The following MALRD1 variants were observed in gnomAD, a reference collection of about 807,000 sequenced individuals.
MALRD1 encodes MAM and LDL-receptor class A domain-containing protein 1.
Under a neutral mutation model 242.1 loss-of-function variants are expected in MALRD1, and 247 were observed. The observed-to-expected ratio is 1.02, with a 90% CI of 0.92 to 1.13. The LOEUF (loss-of-function observed/expected upper bound fraction) is 1.13. MALRD1 is among the 50% of genes most tolerant of loss of function. The probability of loss-of-function intolerance (pLI) is 0.00; values close to 1 mark genes in which losing one functional copy is unlikely to be tolerated. For synonymous variants in MALRD1, 995 were observed against 866.6 expected (o/e 1.15, Z -2.60); for missense variants, 2,989 against 2,533.1 (o/e 1.18, Z -3.86).
At position 19,175,463 on chromosome 10, in the gene MALRD1, AATATATAT is replaced by A. The variant is rs376874358; in HGVS notation, c.1951+148_1951+155del. ...TATATCACCTGTTCTTGAAACCTAA[AATATATAT>A]ATATATATATATTTTAAAAGGTAAA... is the stretch of plus-strand genomic sequence containing the variant. On this transcript the variant is annotated intron_variant, in intron 14 of 39. Coordinates refer to ENST00000454679, the MANE Select transcript of MALRD1 (RefSeq NM_001142308.3). 22 of 202,790 alleles carry A rather than the reference AATATATAT, an allele frequency of 1.1e-4. 1 individual carries two copies. The highest frequency in any genetic ancestry group is 2.5e-4 in the African/African-American group (10 of 39,828). The allele number at this position is 202,790 out of a possible 1,614,324, so 12.6% of individuals were successfully genotyped here.
intron 29 of MALRD1, among the ~76,000 whole-genome samples, chr10:19,460,674 G>A (rs1835894510): frequency 6.6e-6 from 1 of 152,092 alleles, no homozygotes; most frequent in South Asian, 2.1e-4. Flanking sequence ...TTGAGTAAAT[G>A]TATGACTCTA....
chr10:19,590,348 TATATA>T (rs1256790236), intron 33 of MALRD1, among the ~76,000 whole-genome samples: 8 of 147,994 alleles, frequency 5.4e-5, no homozygotes, highest in South Asian at 2.1e-4. Context: ...GTACATATTT[TATATA>T]ATATATGTAT....
intron 28 of MALRD1, among the ~76,000 whole-genome samples, chr10:19,442,126 T>C (rs1202161231): frequency 2.0e-5 from 3 of 152,172 alleles, no homozygotes; most frequent in African/African-American, 7.2e-5. Context: ...ATGATTTGGC[T>C]CTCTGTTAGT....
intron 5 of MALRD1, among the ~76,000 whole-genome samples, chr10:19,110,479 C>T (rs1009635298): frequency 2.6e-5 from 4 of 152,108 alleles, no homozygotes; most frequent in Admixed American, 1.3e-4. Context: ...TTATAACACC[C>T]CTGCCTCAAA....
chr10:19,300,131 T>C (rs1169097613), intron 21 of MALRD1, among the ~76,000 whole-genome samples: 1 of 151,688 alleles, frequency 6.6e-6, no homozygotes, highest in African/African-American at 2.4e-5. Context: ...AGCCACAAAA[T>C]GAACAAGATA....
chr10:19,654,781 G>A (rs1054566830), intron 36 of MALRD1, among the ~76,000 whole-genome samples: 2 of 152,216 alleles, frequency 1.3e-5, no homozygotes, highest in African/African-American at 4.8e-5. Context: ...AGGGAAATCA[G>A]GAAGTGGCTA....
At chr10:19,495,493 G>T (rs1564390339) in intron 30 of MALRD1, among the ~76,000 whole-genome samples, 1 of 150,196 alleles carries the variant, frequency 6.7e-6, no homozygotes, top group African/African-American at 2.4e-5. Context: ...TTCACATACA[G>T]GCAAACTAAA....
Position 19,467,686 on chromosome 10 carries a change from CTTTTTTGGCTT to C in MALRD1, c.5029+17204_5029+17214del, listed in dbSNP as rs1836289190. On this transcript the variant is annotated intron_variant, in intron 29 of 39. Coordinates refer to ENST00000454679, the MANE Select transcript of MALRD1 (RefSeq NM_001142308.3). ...CCTACCAAAATAATGTACCATAAGG[CTTTTTTGGCTT>C]TTTTTTGTCTAACAACGTTTTTTCC... 1.5e-4 allele frequency among the ~76,000 whole-genome samples: 8 copies of C among 53,762 alleles called. No homozygotes were observed. The South Asian group carries it at 0.011, about 71-fold the overall frequency. 35.3% of individuals were successfully genotyped at this position (53,762 alleles called of 152,430 possible). A position where few individuals can be genotyped will look rare whatever the true frequency, so the allele number is the denominator to read the frequency against.
At chr10:19,641,183 T>G (rs532347889) in intron 36 of MALRD1, among the ~76,000 whole-genome samples, 3 of 152,148 alleles carry the variant, frequency 2.0e-5, no homozygotes, top group African/African-American at 7.2e-5. Flanking sequence ...AGGATGAATG[T>G]GACAAACAGC....
At chr10:19,719,239 T>TACATACAAAC (rs1392517480) in intron 38 of MALRD1, among the ~76,000 whole-genome samples, 1 of 117,338 alleles carries the variant, frequency 8.5e-6, no homozygotes, top group Non-Finnish European at 1.7e-5. Flanking sequence ...TATATATATA[T>TACATACAAAC]ATATATATAT....
chr10:19,425,298 T>C (rs1833863840), intron 28 of MALRD1, among the ~76,000 whole-genome samples: 2 of 152,212 alleles, frequency 1.3e-5, no homozygotes, highest in African/African-American at 2.4e-5. Context: ...TTGGTCTTAA[T>C]GTATTATTTG....
At chr10:19,600,082 G>T (rs939748007) in intron 34 of MALRD1, among the ~76,000 whole-genome samples, 1 of 152,116 alleles carries the variant, frequency 6.6e-6, no homozygotes, top group Non-Finnish European at 1.5e-5. Context: ...CTTTCCAGTA[G>T]CGGTGGATGT....
At position 19,253,731 on chromosome 10, in the gene MALRD1, C is replaced by T. The variant is rs567827180; in HGVS notation, c.2992-3953C>T. ...CTACAACCAAAATAGAGTATATCCC[C>T]ACCATTCCCCCAAATCTTCCATTTC... On this transcript the variant is annotated intron_variant, in intron 18 of 39. Transcript: ENST00000454679. 3.3e-5 allele frequency among the ~76,000 whole-genome samples: 5 copies of T among 152,066 alleles called. No homozygotes were observed. The East Asian group carries it at 9.7e-4, about 30-fold the overall frequency.
At chr10:19,070,997 A>C (rs556639372) in intron 2 of MALRD1, among the ~76,000 whole-genome samples, 1 of 151,804 alleles carries the variant, frequency 6.6e-6, no homozygotes, top group East Asian at 2.0e-4. Context: ...GATTACAGGC[A>C]TGTGCCACCA....
intron 39 of MALRD1, 64 bp downstream of exon 39, chr10:19,730,845 C>T: frequency 1.5e-6 from 2 of 1,371,838 alleles, no homozygotes; most frequent in East Asian, 2.5e-5. Context: ...CACACACACA[C>T]ACACAGGCTG....
chr10:19,102,714 G>A (rs1011809800), intron 4 of MALRD1, among the ~76,000 whole-genome samples: 1 of 152,128 alleles, frequency 6.6e-6, no homozygotes, highest in Non-Finnish European at 1.5e-5. Flanking sequence ...CCATCAACAT[G>A]CCAATTTTCT....
chr10:19,581,543 A>G (rs1203915946), intron 33 of MALRD1, among the ~76,000 whole-genome samples: 4 of 151,070 alleles, frequency 2.6e-5, no homozygotes, highest in East Asian at 1.9e-4. Flanking sequence ...TACAAAGGAC[A>G]TGAACTCATC....
intron 14 of MALRD1, among the ~76,000 whole-genome samples, chr10:19,178,023 TG>T (rs1835334859): frequency 6.6e-6 from 1 of 152,142 alleles, no homozygotes; most frequent in Non-Finnish European, 1.5e-5. Context: ...CAAAGTACTT[TG>T]GGGCAGCCTT....
intron 1 of MALRD1, among the ~76,000 whole-genome samples, chr10:19,052,592 A>T (rs1834541195): frequency 6.6e-6 from 1 of 152,010 alleles, no homozygotes; most frequent in African/African-American, 2.4e-5. Context: ...CCTGCCTCCC[A>T]CCTTCCGTGC....
Sources: gnomAD v4.1 joint callset for allele counts (sites outside exome capture counted in the v4.1 genomes callset) on GRCh38, gnomAD v4.1.1 for gene constraint, MANE v1.5 for transcripts, NCBI Gene and HGNC (gene_info 2026-07-23, HGNC 2026-07-21) for gene names.